Variants in TAS2R1 observed in about 807,000 individuals in gnomAD.
TAS2R1 encodes the protein taste receptor type 2 member 1.
For missense variants in TAS2R1, 370 were observed against 353.4 expected (o/e 1.05, Z -0.38); for synonymous variants, 141 against 134.2 (o/e 1.05, Z -0.35).
the TAS2R1 span, among the ~76,000 whole-genome samples, chr5:9,827,468 G>A: frequency 1.2e-4 from 19 of 152,174 alleles, no homozygotes; most frequent in Middle Eastern, 6.8e-3. Flanking sequence ...AGGAACAGTG[G>A]CTCATGCTTG....
the TAS2R1 span, among the ~76,000 whole-genome samples, chr5:9,876,722 A>G: frequency 2.6e-5 from 4 of 152,236 alleles, no homozygotes; most frequent in South Asian, 8.3e-4. Flanking sequence ...ATGACTTCTT[A>G]ATTTTAAAAA....
intron 2 of TAS2R1, among the ~76,000 whole-genome samples, chr5:9,639,681 G>T (rs1464613145): frequency 1.3e-5 from 2 of 152,146 alleles, no homozygotes; most frequent in East Asian, 3.8e-4. Flanking sequence ...CTTCTGAATT[G>T]CTGCAGCTTC....
the TAS2R1 span, among the ~76,000 whole-genome samples, chr5:9,830,606 C>CGCACAG: frequency 1.9e-4 from 1 of 5,354 alleles, no homozygotes; most frequent in African/African-American, 2.6e-4. Flanking sequence ...CGTGCGCGCG[C>CGCACAG]ACACACACAC....
the TAS2R1 span, among the ~76,000 whole-genome samples, chr5:9,728,270 G>A: frequency 6.6e-6 from 1 of 152,102 alleles, no homozygotes; most frequent in African/African-American, 2.4e-5. Flanking sequence ...CAACCATATT[G>A]CCTGCAATAC....
the TAS2R1 span, among the ~76,000 whole-genome samples, chr5:9,868,926 T>C: frequency 6.6e-6 from 1 of 152,180 alleles, no homozygotes; most frequent in African/African-American, 2.4e-5. Flanking sequence ...AGGAAGTTCT[T>C]CATCTCCATT....
chr5:9,795,406 T>C, the TAS2R1 span, among the ~76,000 whole-genome samples: 1 of 152,154 alleles, frequency 6.6e-6, no homozygotes, highest in East Asian at 1.9e-4. Context: ...CCCAGCACCA[T>C]GTCTAGCACA....
At chr5:9,887,575 G>T in the TAS2R1 span, among the ~76,000 whole-genome samples, 2,647 of 152,168 alleles carry the variant, frequency 0.017, 48 homozygotes, top group Non-Finnish European at 0.028. Context: ...ATCACACATG[G>T]TGACCCAATT....
the TAS2R1 span, among the ~76,000 whole-genome samples, chr5:9,755,870 T>A: frequency 2.0e-5 from 3 of 152,162 alleles, no homozygotes; most frequent in Non-Finnish European, 4.4e-5. Flanking sequence ...GTGAGGACAG[T>A]CAGAGGTGAC....
At chr5:9,777,161 G>C in the TAS2R1 span, among the ~76,000 whole-genome samples, 4 of 152,164 alleles carry the variant, frequency 2.6e-5, no homozygotes, top group African/African-American at 7.2e-5. Context: ...AGTGAAGTTT[G>C]CTGCATCGAT....
At chr5:9,719,226 G>C in the TAS2R1 span, among the ~76,000 whole-genome samples, 7,162 of 152,066 alleles carry the variant, frequency 0.047, 537 homozygotes, top group African/African-American at 0.15. Context: ...CAAATGATTC[G>C]AAAAAAATTG....
chr5:9,780,216 A>G, the TAS2R1 span, among the ~76,000 whole-genome samples: 2 of 151,648 alleles, frequency 1.3e-5, no homozygotes, highest in Non-Finnish European at 2.9e-5. Context: ...CTGCCCCTGT[A>G]CAGCAATTCT....
the TAS2R1 span, among the ~76,000 whole-genome samples, chr5:9,857,315 G>A: frequency 2.0e-5 from 3 of 152,126 alleles, no homozygotes; most frequent in African/African-American, 7.2e-5. Context: ...AAAGTTAAAC[G>A]TTTGAAAGAA....
At chr5:9,898,810 A>AG in the TAS2R1 span, among the ~76,000 whole-genome samples, 1 of 152,188 alleles carries the variant, frequency 6.6e-6, no homozygotes, top group South Asian at 2.1e-4. Flanking sequence ...AGACAGGCAG[A>AG]GGGGCCTGGA....
chr5:9,794,505 C>T, the TAS2R1 span, among the ~76,000 whole-genome samples: 1 of 151,964 alleles, frequency 6.6e-6, no homozygotes, highest in Non-Finnish European at 1.5e-5. Context: ...TATTAATAAA[C>T]AAATATAAGT....
At chr5:9,665,939 G>A (rs1276487032) in intron 1 of TAS2R1, among the ~76,000 whole-genome samples, 1 of 152,114 alleles carries the variant, frequency 6.6e-6, no homozygotes, top group African/African-American at 2.4e-5. Flanking sequence ...CCCTACTTTT[G>A]AGCTAATAGT....
the TAS2R1 span, among the ~76,000 whole-genome samples, chr5:9,828,978 C>T: frequency 1.3e-5 from 2 of 152,140 alleles, no homozygotes; most frequent in African/African-American, 2.4e-5. Context: ...TCTGTAGGAA[C>T]ACTGATTGTG....
chr5:9,698,934 G>A (rs1002182437), intron 1 of TAS2R1, among the ~76,000 whole-genome samples: 4 of 152,274 alleles, frequency 2.6e-5, no homozygotes, highest in Admixed American at 1.3e-4. Flanking sequence ...AGCATATAGC[G>A]TATCAAGTAT....
intron 1 of TAS2R1, among the ~76,000 whole-genome samples, chr5:9,711,138 C>A (rs886207701): frequency 3.3e-5 from 5 of 151,690 alleles, no homozygotes; most frequent in African/African-American, 9.7e-5. Context: ...AATGACCAAG[C>A]GGAATCCAGC....
chr5:9,641,482 CTCT>C (rs1216575337), intron 2 of TAS2R1: 9 of 152,182 alleles, frequency 5.9e-5, no homozygotes, highest in African/African-American at 2.2e-4. Context: ...GTTCCTCACT[CTCT>C]TGAGACTCAC....
Sources: gnomAD v4.1 joint callset for allele counts (sites outside exome capture counted in the v4.1 genomes callset) on GRCh38, gnomAD v4.1.1 for gene constraint, MANE v1.5 for transcripts, NCBI Gene and HGNC (gene_info 2026-07-23, HGNC 2026-07-21) for gene names.